PRIM2: variants seen among roughly 807,000 people sequenced by gnomAD.
The protein encoded by PRIM2 is DNA primase subunit 2, also known as DNA primase large subunit.
A neutral mutation model predicts 67.3 loss-of-function variants in PRIM2; 39 were observed. That is an observed-to-expected ratio of 0.58 (90% CI 0.45 to 0.76). The LOEUF (loss-of-function observed/expected upper bound fraction) is 0.76. PRIM2 is among the 30% of genes least tolerant of loss of function. PRIM2 has a pLI of 0.00. For synonymous variants in PRIM2, 143 were observed against 198.7 expected, an observed-to-expected ratio of 0.72 and a Z score of 2.36; for missense variants, 398 against 598.7, an observed-to-expected ratio of 0.66 and a Z score of 3.50.
At chr6:57,439,607 G>T (rs1772136264) in intron 7 of PRIM2, among the ~76,000 whole-genome samples, 1 of 151,600 alleles carries the variant, frequency 6.6e-6, no homozygotes, top group South Asian at 2.1e-4. Flanking sequence ...TAGAGATGGG[G>T]TTTTGCCATG....
At chr6:57,642,435 C>CTTTTTTTGTTTTTTTTTT (rs1777256715) in intron 13 of PRIM2, among the ~76,000 whole-genome samples, 1 of 83,184 alleles carries the variant, frequency 1.2e-5, no homozygotes, top group Non-Finnish European at 2.1e-5. Context: ...AATATTATAT[C>CTTTTTTTGTTTTTTTTTT]TTTTTTTTTT....
intron 10 of PRIM2, among the ~76,000 whole-genome samples, chr6:57,539,252 A>G (rs1347147666): frequency 1.3e-5 from 2 of 152,162 alleles, no homozygotes; most frequent in African/African-American, 4.8e-5. Flanking sequence ...CTCCAATTTG[A>G]AATAATTACT....
At chr6:57,288,203 C>T in the PRIM2 span, among the ~76,000 whole-genome samples, 1 of 152,204 alleles carries the variant, frequency 6.6e-6, no homozygotes, top group Admixed American at 6.5e-5. Context: ...ACCTGCGACA[C>T]TGCAGCTTGG....
chr6:57,315,962 T>G (rs1288000951), upstream of PRIM2, among the ~76,000 whole-genome samples: 1 of 152,216 alleles, frequency 6.6e-6, no homozygotes, highest in Admixed American at 6.5e-5. Flanking sequence ...TGTATTTGTA[T>G]TACGTATTTG....
chr6:57,411,348 T>C (rs1297056874), intron 7 of PRIM2, among the ~76,000 whole-genome samples: 24 of 152,136 alleles, frequency 1.6e-4, no homozygotes, highest in Non-Finnish European at 2.9e-4. Flanking sequence ...CCTCGCACTT[T>C]GGGAGGCTGA....
upstream of PRIM2, among the ~76,000 whole-genome samples, chr6:57,315,215 C>T (rs1428189910): frequency 1.3e-5 from 2 of 152,148 alleles, no homozygotes; most frequent in Non-Finnish European, 2.9e-5. Context: ...AGCTTAAAAC[C>T]TAGTAGTGCT....
At chr6:57,478,719 G>GT (rs1322000944) in intron 7 of PRIM2, among the ~76,000 whole-genome samples, 1 of 152,008 alleles carries the variant, frequency 6.6e-6, no homozygotes, top group Non-Finnish European at 1.5e-5. Context: ...AGCGTACTGT[G>GT]TTCCCTTAGA....
intron 7 of PRIM2, among the ~76,000 whole-genome samples, chr6:57,489,525 C>T (rs1470083721): frequency 1.3e-5 from 2 of 152,122 alleles, no homozygotes; most frequent in Non-Finnish European, 2.9e-5. Flanking sequence ...CCACTGCACT[C>T]CAGCCTGGGC....
chr6:57,543,528 T>C (rs1429596175), intron 10 of PRIM2, among the ~76,000 whole-genome samples: 1 of 152,198 alleles, frequency 6.6e-6, no homozygotes, highest in Non-Finnish European at 1.5e-5. Flanking sequence ...AGCAAATATT[T>C]TGGGTACTTA....
chr6:57,590,080 G>C (rs1776259884), intron 10 of PRIM2, among the ~76,000 whole-genome samples: 11 of 152,150 alleles, frequency 7.2e-5, no homozygotes. Context: ...TTCAAACAAA[G>C]AAGTCTGGGC....
At chr6:57,595,521 T>C (rs1344127505) in intron 10 of PRIM2, among the ~76,000 whole-genome samples, 2 of 152,148 alleles carry the variant, frequency 1.3e-5, no homozygotes, top group African/African-American at 2.4e-5. Context: ...CTACTTCATA[T>C]ACCAATTGCA....
At chr6:57,593,716 A>AAAT (rs1776320935) in intron 10 of PRIM2, among the ~76,000 whole-genome samples, 1 of 152,368 alleles carries the variant, frequency 6.6e-6, no homozygotes, top group South Asian at 2.1e-4. Context: ...ATATTTGTTG[A>AAAT]ATTTGTAAAT....
chr6:57,351,130 A>G (rs1296595840), intron 5 of PRIM2, among the ~76,000 whole-genome samples: 2 of 151,778 alleles, frequency 1.3e-5, no homozygotes, highest in East Asian at 1.9e-4. Flanking sequence ...GTAATTAATT[A>G]TAGGCTGAGT....
chr6:57,532,204 T>A (rs1774906185), intron 8 of PRIM2, among the ~76,000 whole-genome samples: 1 of 152,230 alleles, frequency 6.6e-6, no homozygotes, highest in African/African-American at 2.4e-5. Flanking sequence ...AGGTTCAGAC[T>A]GTTACTATAT....
intron 7 of PRIM2, among the ~76,000 whole-genome samples, chr6:57,429,514 A>T (rs4554315): frequency 6.6e-6 from 1 of 152,216 alleles, no homozygotes; most frequent in East Asian, 1.9e-4. Context: ...GTTTGATAAA[A>T]GAGTCTTTAT....
chr6:57,469,101 T>C (rs2127400889), intron 7 of PRIM2, among the ~76,000 whole-genome samples: 1 of 152,352 alleles, frequency 6.6e-6, no homozygotes, highest in East Asian at 1.9e-4. Flanking sequence ...ATCATCACCG[T>C]TGTGATTATC....
the PRIM2 span, among the ~76,000 whole-genome samples, chr6:57,236,260 T>C: frequency 6.6e-6 from 1 of 152,118 alleles, no homozygotes; most frequent in East Asian, 1.9e-4. Flanking sequence ...ATCTGACCTG[T>C]CATTCTTCCT....
chr6:57,261,434 A>G, the PRIM2 span, among the ~76,000 whole-genome samples: 2 of 152,222 alleles, frequency 1.3e-5, no homozygotes, highest in African/African-American at 4.8e-5. Flanking sequence ...CTCTCTCTTC[A>G]GGGCCATCCA....
chr6:57,246,252 G>C, the PRIM2 span, among the ~76,000 whole-genome samples: 1 of 152,150 alleles, frequency 6.6e-6, no homozygotes, highest in African/African-American at 2.4e-5. Flanking sequence ...TGTTTCAAAG[G>C]TATCAACTCT....
Sources: allele counts gnomAD v4.1 joint callset (sites outside exome capture counted in the v4.1 genomes callset), GRCh38; gene constraint gnomAD v4.1.1; transcripts MANE v1.5; gene names NCBI Gene and HGNC (gene_info 2026-07-23, HGNC 2026-07-21).